IFT88: variants seen among roughly 807,000 people sequenced by gnomAD.
IFT88 encodes the protein intraflagellar transport protein 88 homolog.
Under a neutral mutation model 119.5 loss-of-function variants are expected in IFT88, and 74 were observed. That is an observed-to-expected ratio of 0.62 (90% CI 0.51 to 0.75). The LOEUF is 0.75. IFT88 is among the 30% of genes least tolerant of loss of function. IFT88 has a pLI of 0.00. For synonymous variants in IFT88, 279 were observed against 316.7 expected (o/e 0.88, Z 1.26); for missense variants, 961 against 977.7 (o/e 0.98, Z 0.23).
intron 14 of IFT88, among the ~76,000 whole-genome samples, chr13:20,619,378 A>G (rs1216141986): frequency 6.6e-6 from 1 of 152,182 alleles, no homozygotes; most frequent in Admixed American, 6.5e-5. Context: ...GACTTTGATG[A>G]TGATAACTTC....
intron 22 of IFT88, among the ~76,000 whole-genome samples, chr13:20,657,372 C>T (rs1161601606): frequency 6.6e-6 from 1 of 152,108 alleles, no homozygotes; most frequent in East Asian, 1.9e-4. Context: ...CATGTTCTCA[C>T]TAAACTATAA....
chr13:20,603,272 C>T (rs374348405), intron 12 of IFT88, among the ~76,000 whole-genome samples: 10 of 151,538 alleles, frequency 6.6e-5, no homozygotes, highest in East Asian at 5.8e-4. Flanking sequence ...CCTGTAATCC[C>T]AGTTACTAGG....
intron 20 of IFT88, among the ~76,000 whole-genome samples, chr13:20,648,131 T>G (rs1158889108): frequency 6.6e-6 from 1 of 152,180 alleles, no homozygotes; most frequent in African/African-American, 2.4e-5. Context: ...GCGTGATGGC[T>G]TATACCTGTA....
intron 14 of IFT88, among the ~76,000 whole-genome samples, chr13:20,620,803 A>C (rs2046356897): frequency 6.6e-6 from 1 of 152,152 alleles, no homozygotes; most frequent in Non-Finnish European, 1.5e-5. Context: ...TGCTGGGATG[A>C]TAGACGTGAG....
chr13:20,615,040 C>T (rs900303375), intron 13 of IFT88, among the ~76,000 whole-genome samples: 6 of 152,118 alleles, frequency 3.9e-5, no homozygotes, highest in Non-Finnish European at 8.8e-5. Flanking sequence ...TGGTCTCGAT[C>T]TCCTGACCTT....
chr13:20,663,902 A>G (rs1425004283), intron 23 of IFT88, among the ~76,000 whole-genome samples: 1 of 152,218 alleles, frequency 6.6e-6, no homozygotes, highest in Non-Finnish European at 1.5e-5. Context: ...TTGAAGACAT[A>G]ATTTTAATTG....
rs1210310963 is a variant in IFT88, at chr13:20,609,324, A to G, written c.1112+4219A>G. Among the ~76,000 whole-genome samples the G allele has an allele frequency of 2.0e-5, 3 of 152,218 alleles. No homozygotes were observed. The East Asian group carries it at 5.8e-4, about 29-fold the overall frequency. ...CATGAACATTATCTCAATGTTTTGC[A>G]TAATAGACAAGACCACGGCGTTTTG... On this transcript the variant is annotated intron_variant, in intron 13 of 25. Transcript: ENST00000351808.
intron 2 of IFT88, among the ~76,000 whole-genome samples, chr13:20,579,697 T>G (rs1447651449): frequency 6.6e-6 from 1 of 152,136 alleles, no homozygotes; most frequent in Non-Finnish European, 1.5e-5. Flanking sequence ...TACTCTCCCC[T>G]CTTCTCATCT....
chr13:20,592,424 G>T lies in IFT88; in HGVS notation c.398+20G>T, dbSNP rs754654380. 14 of 1,515,240 alleles carry T rather than the reference G, an allele frequency of 9.2e-6. No individual in the cohort carries two copies. The South Asian group carries it at 1.7e-4, about 18-fold the overall frequency. The allele number at this position is 1,515,240 out of a possible 1,614,324, so 93.9% of individuals were successfully genotyped here. Reference sequence around the variant, plus strand: ...AGATAGGTATGTAAGTCCTTATGTTGTTGTTTGTTGTTGTTGCTGCATATT... The same window carrying T: ...AGATAGGTATGTAAGTCCTTATGTTTTTGTTTGTTGTTGTTGCTGCATATT... On this transcript the variant is annotated intron_variant, in intron 7 of 25. Transcript: ENST00000351808.
intron 17 of IFT88, among the ~76,000 whole-genome samples, 164 bp downstream of exon 17, chr13:20,638,682 T>C (rs1295149730): frequency 1.3e-5 from 2 of 152,224 alleles, no homozygotes; most frequent in Non-Finnish European, 2.9e-5. Context: ...TTATTTTAAA[T>C]GGAATTAATG....
intron 7 of IFT88, among the ~76,000 whole-genome samples, chr13:20,595,143 A>AGT (rs2041416430): frequency 6.6e-6 from 1 of 152,208 alleles, no homozygotes; most frequent in Non-Finnish European, 1.5e-5. Context: ...GCACGCCTAT[A>AGT]GTGTCAACTA....
chr13:20,664,338 CTG>C (rs1253235333), intron 23 of IFT88, among the ~76,000 whole-genome samples: 1 of 152,168 alleles, frequency 6.6e-6, no homozygotes, highest in Non-Finnish European at 1.5e-5. Flanking sequence ...GAAAGGAAGA[CTG>C]TTCTCTTTTT....
intron 24 of IFT88, among the ~76,000 whole-genome samples, chr13:20,681,382 A>G (rs2057303506): frequency 6.6e-6 from 1 of 152,228 alleles, no homozygotes; most frequent in Admixed American, 6.5e-5. Context: ...GCCAAAGAGA[A>G]TTAGGTTCCG....
intron 1 of IFT88, among the ~76,000 whole-genome samples, chr13:20,568,787 C>G (rs2035535797): frequency 6.6e-6 from 1 of 152,080 alleles, no homozygotes; most frequent in Non-Finnish European, 1.5e-5. Flanking sequence ...TGGCGGCAAT[C>G]TCGGTTTACT....
chr13:20,659,648 C>CT (rs34185259), intron 22 of IFT88, among the ~76,000 whole-genome samples: 1 of 138,056 alleles, frequency 7.2e-6, no homozygotes, highest in Non-Finnish European at 1.6e-5. Flanking sequence ...ACTTTATGGT[C>CT]TTTTTTTTTT....
chr13:20,639,369 T>TG lies in IFT88; in HGVS notation c.1573+852dup, dbSNP rs540342028. Among the ~76,000 whole-genome samples, 74 of 152,324 alleles carry TG rather than the reference T, an allele frequency of 4.9e-4. No homozygotes were observed. In the South Asian group the frequency reaches 0.015, roughly 32 times the overall value. On this transcript the variant is annotated intron_variant, in intron 17 of 25. Transcript: ENST00000351808. ...GGTTGGCACTCTGCTATAGGGCATC[T>TG]GTCTGGTCTGGTCTGTTTAGTTGGA...
At chr13:20,684,316 T>G (rs2057651061) in intron 24 of IFT88, among the ~76,000 whole-genome samples, 1 of 152,092 alleles carries the variant, frequency 6.6e-6, no homozygotes, top group African/African-American at 2.4e-5. Context: ...ATTTGGAGAG[T>G]CAGGCCACTC....
chr13:20,651,433 T>TAAC (rs1251170222), intron 20 of IFT88, among the ~76,000 whole-genome samples: 28 of 145,240 alleles, frequency 1.9e-4, no homozygotes, highest in Non-Finnish European at 3.6e-4. Context: ...TACACATGTT[T>TAAC]GTGTAAGTAT....
At chr13:20,667,275 C>G (rs1016673327) in intron 23 of IFT88, among the ~76,000 whole-genome samples, 24 of 152,232 alleles carry the variant, frequency 1.6e-4, no homozygotes, top group Non-Finnish European at 2.9e-5. Flanking sequence ...GTGTCTCCTA[C>G]TTGAGCCCTC....
Sources: allele counts gnomAD v4.1 joint callset (sites outside exome capture counted in the v4.1 genomes callset), GRCh38; gene constraint gnomAD v4.1.1; transcripts MANE v1.5; gene names NCBI Gene and HGNC (gene_info 2026-07-23, HGNC 2026-07-21).